The following NCR1 variants were observed in gnomAD, a reference collection of about 807,000 sequenced individuals.
NCR1 encodes NK cell-activating receptor.
In NCR1, 30 loss-of-function variants were observed where a neutral mutation model predicts 32.5. The ratio of observed to expected loss-of-function variants is 0.92; its 90% confidence interval spans 0.69 to 1.25. The LOEUF is 1.25. Ranked by LOEUF, NCR1 falls within the 50% of genes most tolerant of loss-of-function variation. NCR1 has a pLI of 0.00. For missense variants in NCR1, 369 were observed against 380.7 expected, an observed-to-expected ratio of 0.97 and a Z score of 0.26; for synonymous variants, 169 against 143.4, an observed-to-expected ratio of 1.18 and a Z score of -1.28.
At chr19:54,936,078 G>A in the NCR1 span, among the ~76,000 whole-genome samples, 1 of 152,122 alleles carries the variant, frequency 6.6e-6, no homozygotes, top group Non-Finnish European at 1.5e-5. Context: ...AGCTGGTTAT[G>A]CAACACAGAA....
chr19:54,922,935 G>A, the NCR1 span, among the ~76,000 whole-genome samples: 1 of 151,582 alleles, frequency 6.6e-6, no homozygotes, highest in Non-Finnish European at 1.5e-5. Flanking sequence ...CAAAAAGACA[G>A]ACACAGAGAA....
At chr19:54,923,576 G>A in the NCR1 span, 23 of 786,730 alleles carry the variant, frequency 2.9e-5, no homozygotes, top group Middle Eastern at 3.6e-4. Flanking sequence ...AAGGGGGTGC[G>A]TGACTCGTGC....
intron 6 of NCR1, 92 bp downstream of exon 6, chr19:54,912,310 T>A (rs1464073537): frequency 2.3e-6 from 3 of 1,328,376 alleles, no homozygotes; most frequent in African/African-American, 2.9e-5. Context: ...CAAGAGGGTG[T>A]CCTTGGCCAG....
At chr19:54,902,588 T>C (rs2067319380), upstream of NCR1, among the ~76,000 whole-genome samples, 1 of 152,062 alleles carries the variant, frequency 6.6e-6, no homozygotes. Context: ...AAACTATTTT[T>C]GCAAGTCTGG....
the NCR1 span, chr19:54,938,149 C>T: frequency 6.2e-7 from 1 of 1,613,880 alleles, no homozygotes; most frequent in African/African-American, 1.3e-5. Context: ...CTTGAGGTTG[C>T]TGTTTGAGCT....
chr19:54,929,745 C>T, the NCR1 span, among the ~76,000 whole-genome samples: 1 of 152,142 alleles, frequency 6.6e-6, no homozygotes, highest in Non-Finnish European at 1.5e-5. Context: ...TAGAAGTGCC[C>T]ACCCACATAT....
At chr19:54,923,938 ATC>A in the NCR1 span, 309 of 1,549,116 alleles carry the variant, frequency 2.0e-4, no homozygotes, top group Non-Finnish European at 2.7e-4. Flanking sequence ...ATGCCTGAAT[ATC>A]TGTTTTCAAA....
At chr19:54,930,631 C>G in the NCR1 span, 1 of 1,613,506 alleles carries the variant, frequency 6.2e-7, no homozygotes, top group Non-Finnish European at 8.5e-7. Context: ...TGAGAGATAT[C>G]TACAGCCAAG....
downstream of NCR1, among the ~76,000 whole-genome samples, chr19:54,919,803 C>T (rs950832964): frequency 2.7e-5 from 4 of 149,712 alleles, no homozygotes; most frequent in African/African-American, 9.8e-5. Context: ...GACCATGATC[C>T]GCTTGGTGAC....
chr19:54,919,714 AC>A (rs58529355), downstream of NCR1, among the ~76,000 whole-genome samples: 742 of 99,544 alleles, frequency 7.5e-3, 18 homozygotes, highest in South Asian at 0.016. Context: ...GGAAAGGGAG[AC>A]CCCCCCCCCC....
downstream of NCR1, among the ~76,000 whole-genome samples, chr19:54,920,559 G>A (rs1283796931): frequency 1.3e-5 from 2 of 152,176 alleles, no homozygotes; most frequent in Non-Finnish European, 2.9e-5. Context: ...CAGTGTGGCA[G>A]CTCACGCGTG....
the NCR1 span, chr19:54,934,716 CT>C: frequency 0.052 from 51,064 of 991,282 alleles, no homozygotes; most frequent in South Asian, 0.079. This position sits in a 1 kb window ranked among gnomAD's most constrained non-coding sequence, Gnocchi z 6.7. Flanking sequence ...ACCCTATCAG[CT>C]TTTTTTTTTT....
At chr19:54,915,303 G>C (rs570837924), downstream of NCR1, among the ~76,000 whole-genome samples, 1 of 152,202 alleles carries the variant, frequency 6.6e-6, no homozygotes, top group Admixed American at 6.6e-5. Flanking sequence ...TTGAAATGCT[G>C]TCTGGACACC....
At chr19:54,926,253 C>T in the NCR1 span, among the ~76,000 whole-genome samples, 1 of 151,512 alleles carries the variant, frequency 6.6e-6, no homozygotes, top group East Asian at 2.0e-4. Context: ...TACACACAAG[C>T]TTCCAGTCTG....
chr19:54,930,997 C>T, the NCR1 span, among the ~76,000 whole-genome samples: 2 of 151,094 alleles, frequency 1.3e-5, no homozygotes, highest in Admixed American at 6.6e-5. Context: ...CACTCCAGCC[C>T]GGGCGACAGA....
chr19:54,919,726 A>AC (rs1454401806), downstream of NCR1, among the ~76,000 whole-genome samples: 1 of 76,336 alleles, frequency 1.3e-5, no homozygotes, highest in Admixed American at 1.5e-4. Flanking sequence ...CCCCCCCCCC[A>AC]CCCGCTGCCC....
At chr19:54,903,349 T>TAC, upstream of NCR1, among the ~76,000 whole-genome samples, 1 of 125,236 alleles carries the variant, frequency 8.0e-6, no homozygotes, top group Non-Finnish European at 1.6e-5. Flanking sequence ...TATACATATA[T>TAC]GCATATATAC....
chr19:54,927,674 A>C, the NCR1 span: 1 of 1,614,174 alleles, frequency 6.2e-7, no homozygotes, highest in Non-Finnish European at 8.5e-7. Context: ...ACTCTTCCAC[A>C]AATGATTCTG....
At chr19:54,916,702 A>ATTTTTTTTT (rs35842513), downstream of NCR1, among the ~76,000 whole-genome samples, 16 of 50,474 alleles carry the variant, frequency 3.2e-4, no homozygotes, top group Non-Finnish European at 4.1e-4. Context: ...CAACTGTTCT[A>ATTTTTTTTT]TTTTTTTTTT....
Sources: gnomAD v4.1 joint callset for allele counts (sites outside exome capture counted in the v4.1 genomes callset) on GRCh38, gnomAD v4.1.1 for gene constraint, Gnocchi (gnomAD v3.1) non-coding constraint, MANE v1.5 for transcripts, NCBI Gene and HGNC (gene_info 2026-07-23, HGNC 2026-07-21) for gene names.